The following HSPG2 variants were observed in gnomAD, a reference collection of about 807,000 sequenced individuals.
HSPG2 encodes the protein basement membrane-specific heparan sulfate proteoglycan core protein.
A neutral mutation model predicts 526.6 loss-of-function variants in HSPG2; 278 were observed. The observed-to-expected ratio is 0.53, with a 90% confidence interval of 0.48 to 0.58. The LOEUF (loss-of-function observed/expected upper bound fraction) is 0.58. HSPG2 is among the 20% of genes least tolerant of loss of function. The pLI, the probability that HSPG2 is intolerant of heterozygous loss-of-function variation, is 0.00. For synonymous variants in HSPG2, 2,465 were observed against 2,555.4 expected, an observed-to-expected ratio of 0.96 and a Z score of 1.07; for missense variants, 5,354 against 6,099.5, an observed-to-expected ratio of 0.88 and a Z score of 4.07.
rs551072466 is a variant in HSPG2 at position 21,838,113 on chromosome 1, G to A, written c.10150+712C>T. 8.4e-5 allele frequency among the ~76,000 whole-genome samples: 11 copies of A among 130,876 alleles called. No homozygotes were observed. The South Asian group carries it at 2.0e-3, about 24-fold the overall frequency. The allele number at this position is 130,876 out of a possible 152,430, so 85.9% of individuals were successfully genotyped here. A position where few individuals can be genotyped will look rare whatever the true frequency, so the allele number is the denominator to read the frequency against. ...ATCATGCCACTGCACTCCAGCCTGG[G>A]TGAAAGAGTGAGATTCTGTCTCAAA... On this transcript the variant is annotated intron_variant, in intron 74 of 96. Transcript: ENST00000374695.
Position 21,903,550 on chromosome 1 carries a change from A to G in HSPG2, c.64-7240T>C, listed in dbSNP as rs145422810. 6.1e-3 allele frequency among the ~76,000 whole-genome samples: 930 copies of G among 152,326 alleles called. 12 individuals carry two copies. The highest frequency in any genetic ancestry group is 0.022 in the African/African-American group (900 of 41,572). ...AGGAGGCAGAGGTTGCAGTGAGCCA[A>G]GATTGCGCCACTGCACTCCAGCCTG... On this transcript the variant is annotated intron_variant, in intron 1 of 96. Transcript: ENST00000374695.
At position 21,869,771 on chromosome 1, in the gene HSPG2, T is replaced by C. The variant is rs571652723; in HGVS notation, c.4221+2415A>G. 45 of 975,878 alleles carry C rather than the reference T, an allele frequency of 4.6e-5. No individual in the cohort carries two copies. The African/African-American group carries it at 6.8e-4, about 15-fold the overall frequency. The allele number at this position is 975,878 out of a possible 1,614,324, so 60.5% of individuals were successfully genotyped here. A position where few individuals can be genotyped will look rare whatever the true frequency, so the allele number is the denominator to read the frequency against. On this transcript the variant is annotated intron_variant, in intron 33 of 96. Transcript: ENST00000374695. ...GCCCAGCCAGCCACCCGCTCTGCACTGTCTGCTCACAAGTGCTGATACCTG... is the reference window on the plus strand; with the variant it reads ...GCCCAGCCAGCCACCCGCTCTGCACCGTCTGCTCACAAGTGCTGATACCTG...
Position 21,887,169 on chromosome 1 carries a change from G to C in HSPG2, c.1078+46C>G. The stretch of plus-strand genomic sequence containing the variant: ...GTGGAAGGCGGGGCAGGAGCAAGCG[G>C]CCTGGGCAGGGCAAGGGGGCCTCAG... On this transcript the variant is annotated intron_variant, in intron 9 of 96. Coordinates refer to ENST00000374695, the MANE Select transcript of HSPG2 (RefSeq NM_005529.7). This position sits in a 1 kb window ranked among gnomAD's most constrained non-coding sequence, Gnocchi z 5.0. 6.2e-7 allele frequency: 1 copy of C among 1,611,008 alleles called. No homozygotes were observed. The highest frequency in any genetic ancestry group is 8.5e-7 in the Non-Finnish European group (1 of 1,179,080).
rs1171143350 is a variant in HSPG2 at position 21,876,598 on chromosome 1, T to C, written c.2740A>G (p.Ser914Gly). 2 of 1,614,172 alleles carry C rather than the reference T, an allele frequency of 1.2e-6. No homozygotes were observed. Among genetic ancestry groups the C allele is most frequent in the Middle Eastern group, 1.6e-4 (1 of 6,062 alleles). ...AGGCAGCCATCGGGGTTTCGGGTAC[T>C]CAGGTGGAAAGAGCCGTCAGCACAT... Reference protein sequence around the residue: ...NECADGSFHLSTRNPDGCLKC... With the variant: ...NECADGSFHLGTRNPDGCLKC... The change falls in exon 22 of 97, where the codon AGT becomes GGT. Residue 914 changes from serine to glycine, a missense_variant. Physicochemically the swap from Ser to Gly is moderately conservative, Grantham distance 56. Transcript: ENST00000374695.
chr1:21,874,611 C>G lies in HSPG2; in HGVS notation c.3528+5G>C. 1 of 1,614,002 alleles carries G rather than the reference C, an allele frequency of 6.2e-7. No individual in the cohort carries two copies. Among genetic ancestry groups the G allele is most frequent in the Non-Finnish European group, 8.5e-7 (1 of 1,179,964 alleles). ...TGGGGTGGGCGGAAGGAGGGCGGGA[C>G]TTACCTGGCAGGCACCTGTTTCTGG... is the stretch of plus-strand genomic sequence containing the variant. On this transcript the variant is annotated splice_donor_5th_base_variant and intron_variant, in intron 27 of 96. Coordinates refer to ENST00000374695, the MANE Select transcript of HSPG2 (RefSeq NM_005529.7).
chr1:21,932,548 G>A (rs1352074310), intron 1 of HSPG2, among the ~76,000 whole-genome samples: 3 of 152,218 alleles, frequency 2.0e-5, no homozygotes, highest in Non-Finnish European at 4.4e-5. Context: ...CTTAAACTGA[G>A]CAGGAGGAAG....
intron 53 of HSPG2, 25 bp from the exon 54 acceptor site, chr1:21,851,951 G>GA: frequency 1.2e-6 from 2 of 1,604,290 alleles, no homozygotes; most frequent in Non-Finnish European, 1.7e-6. Context: ...GCAGAGGTGT[G>GA]AGGGGGGCTT....
chr1:21,856,992 T>C, intron 44 of HSPG2, 23 bp downstream of exon 44: 2 of 1,611,406 alleles, frequency 1.2e-6, no homozygotes, highest in Non-Finnish European at 8.5e-7. Flanking sequence ...GAGGGGAGAA[T>C]CAGGTATAGA....
At chr1:21,925,835 A>C (rs1644174491) in intron 1 of HSPG2, among the ~76,000 whole-genome samples, 1 of 151,642 alleles carries the variant, frequency 6.6e-6, no homozygotes, top group South Asian at 2.1e-4. Flanking sequence ...CACGTACTGG[A>C]TGGATGAAGG....
chr1:21,854,380 G>A (rs1420648270), intron 49 of HSPG2, 37 bp from the exon 50 acceptor site: 1 of 1,554,470 alleles, frequency 6.4e-7, no homozygotes, highest in Non-Finnish European at 8.7e-7. Context: ...TGAGGACAGG[G>A]ACGGGGGCTA....
chr1:21,905,131 G>A (rs1643300360), intron 1 of HSPG2, among the ~76,000 whole-genome samples: 1 of 151,156 alleles, frequency 6.6e-6, no homozygotes, highest in Non-Finnish European at 1.5e-5. Flanking sequence ...TGGCCAACCA[G>A]GTTCTATGTA....
At chr1:21,857,481 C>A in intron 42 of HSPG2, 96 bp from the exon 43 acceptor site, 1 of 1,094,966 alleles carries the variant, frequency 9.1e-7, no homozygotes, top group African/African-American at 1.5e-5. Context: ...GCATCACTTC[C>A]TTCCTGGTCC....
rs2098020267 is a variant in HSPG2, at chr1:21,834,948, G to A, written c.10454-3C>T. 6.2e-7 allele frequency: 1 copy of A among 1,610,940 alleles called. No homozygotes were observed. The highest frequency in any genetic ancestry group is 1.7e-5 in the Admixed American group (1 of 59,988). On this transcript the variant is annotated splice_region_variant and splice_polypyrimidine_tract_variant and intron_variant, in intron 76 of 96. Transcript: ENST00000374695. Reference sequence around the variant, plus strand: ...GTTGATGAGCACCGAGGGCAGGGCTGGGGAGGAGGGAGGCAGAGGTCCAGT... The same window carrying A: ...GTTGATGAGCACCGAGGGCAGGGCTAGGGAGGAGGGAGGCAGAGGTCCAGT...
At position 21,828,482 on chromosome 1, in the gene HSPG2, T is replaced by C; in HGVS notation, c.12238-56A>G. Reference sequence around the variant, plus strand: ...GGGGCCTGGGAGGCAGAGACCCAGGTGTACCAGCAGGGAGAAGAATGCAGC... The same window carrying C: ...GGGGCCTGGGAGGCAGAGACCCAGGCGTACCAGCAGGGAGAAGAATGCAGC... On this transcript the variant is annotated intron_variant, in intron 88 of 96. Transcript: ENST00000374695. The surrounding 1 kb of genome is among the most constrained non-coding windows in gnomAD (Gnocchi z 6.0). The C allele has an allele frequency of 6.4e-7, 1 of 1,570,352 alleles. No homozygotes were observed. The highest frequency in any genetic ancestry group is 8.7e-7 in the Non-Finnish European group (1 of 1,148,646).
chr1:21,873,576 A>T (rs546460760), intron 29 of HSPG2, 152 bp from the exon 30 acceptor site: 4 of 812,168 alleles, frequency 4.9e-6, no homozygotes, highest in Non-Finnish European at 8.4e-6. Context: ...CTGGGCAGAG[A>T]AGAGCAGGGA....
At chr1:21,825,989 T>C (rs2097972496) in intron 91 of HSPG2, among the ~76,000 whole-genome samples, 1 of 152,104 alleles carries the variant, frequency 6.6e-6, no homozygotes, top group Non-Finnish European at 1.5e-5. Context: ...TTTCGCCATG[T>C]TGGCCAGGCT....
intron 77 of HSPG2, among the ~76,000 whole-genome samples, chr1:21,834,270 ATT>A (rs1393695320): frequency 6.6e-6 from 1 of 152,170 alleles, no homozygotes; most frequent in African/African-American, 2.4e-5. Context: ...GTAAAAAGGA[ATT>A]GCCTTTAAAG....
intron 3 of HSPG2, among the ~76,000 whole-genome samples, chr1:21,891,666 G>A (rs558982848): frequency 5.9e-5 from 9 of 152,154 alleles, no homozygotes; most frequent in African/African-American, 1.9e-4. Context: ...GCTGGAGTGC[G>A]GTAGCAAAAT....
intron 6 of HSPG2, among the ~76,000 whole-genome samples, chr1:21,889,478 A>C (rs1251160385): frequency 6.6e-6 from 1 of 152,160 alleles, no homozygotes; most frequent in Non-Finnish European, 1.5e-5. Flanking sequence ...TGTCACAGAC[A>C]CCGAGTTTGT....
Sources: gnomAD v4.1 joint callset for allele counts (sites outside exome capture counted in the v4.1 genomes callset) on GRCh38, gnomAD v4.1.1 for gene constraint, Gnocchi (gnomAD v3.1) non-coding constraint, MANE v1.5 for transcripts, NCBI Gene and HGNC (gene_info 2026-07-23, HGNC 2026-07-21) for gene names.